The following FAP variants were observed in gnomAD, a reference collection of about 807,000 sequenced individuals.
The protein encoded by FAP is fibroblast activation protein alpha.
Under a neutral mutation model 126.5 loss-of-function variants are expected in FAP, and 110 were observed. That is an observed-to-expected ratio of 0.87 (90% CI 0.74 to 1.02). FAP has a LOEUF of 1.02. Ranked by LOEUF, FAP falls within the 50% of genes least tolerant of loss-of-function variation. The pLI is 0.00. For synonymous variants in FAP, 334 were observed against 297.3 expected (o/e 1.12, Z -1.27); for missense variants, 919 against 909.2 (o/e 1.01, Z -0.14).
chr2:162,186,033 A>ACGC (rs1236585605), intron 20 of FAP, among the ~76,000 whole-genome samples: 3 of 152,136 alleles, frequency 2.0e-5, no homozygotes, highest in African/African-American at 4.8e-5. Flanking sequence ...GCATGGGGCC[A>ACGC]CGCAGCTGCC....
Position 162,206,606 on chromosome 2 carries a change from C to A in FAP, c.1047+3346G>T, listed in dbSNP as rs879414496. Among the ~76,000 whole-genome samples, 191 of 152,242 alleles carry A rather than the reference C, an allele frequency of 1.3e-3. 5 individuals are homozygous for A. Among genetic ancestry groups the A allele is most frequent in the Admixed American group, 0.012 (190 of 15,290 alleles). On this transcript the variant is annotated intron_variant, in intron 12 of 25. Transcript: ENST00000188790. ...AATTATTTTAAAATAATTGATGTGA[C>A]TTTGCAGTCTAAGCATGATGCCTTC...
intron 21 of FAP, among the ~76,000 whole-genome samples, chr2:162,177,629 C>A (rs1429037619): frequency 6.6e-6 from 1 of 152,114 alleles, no homozygotes; most frequent in African/African-American, 2.4e-5. Flanking sequence ...AAAATTGTAC[C>A]AACTTGCACC....
Position 162,229,077 on chromosome 2 carries a change from A to T in FAP, c.92-2456T>A, listed in dbSNP as rs113380179. 5.9e-5 allele frequency among the ~76,000 whole-genome samples: 9 copies of T among 152,250 alleles called. 1 individual carries two copies. The South Asian group carries it at 8.3e-4, about 14-fold the overall frequency. ...ATGAATATAACCTTAGTTATTTTTT[A>T]AAAAGTATAAATAATGCTTCAGTTA... On this transcript the variant is annotated intron_variant, in intron 2 of 25. Coordinates refer to ENST00000188790, the MANE Select transcript of FAP (RefSeq NM_004460.5).
At chr2:162,233,115 G>A (rs761615914) in intron 2 of FAP, among the ~76,000 whole-genome samples, 4 of 151,238 alleles carry the variant, frequency 2.6e-5, no homozygotes, top group Non-Finnish European at 4.4e-5. Context: ...CTCCAGACAC[G>A]TACATTAAAC....
intron 20 of FAP, among the ~76,000 whole-genome samples, chr2:162,187,137 G>T (rs555181384): frequency 6.6e-6 from 1 of 151,928 alleles, no homozygotes; most frequent in Non-Finnish European, 1.5e-5. Flanking sequence ...ATAATTACTT[G>T]TGAGTCTAAA....
chr2:162,175,074 A>G, intron 21 of FAP, 108 bp from the exon 22 acceptor site: 1 of 728,610 alleles, frequency 1.4e-6, no homozygotes, highest in South Asian at 1.7e-5. Flanking sequence ...GCTGGAGAAT[A>G]TGGCTAAGGG....
chr2:162,178,549 A>G (rs913149171), intron 21 of FAP, among the ~76,000 whole-genome samples: 1 of 152,246 alleles, frequency 6.6e-6, no homozygotes, highest in African/African-American at 2.4e-5. Flanking sequence ...GTTAACAACC[A>G]CTGCCATAAA....
At chr2:162,201,235 G>A (rs1688486139) in intron 14 of FAP, among the ~76,000 whole-genome samples, 1 of 151,334 alleles carries the variant, frequency 6.6e-6, no homozygotes, top group Admixed American at 6.6e-5. Context: ...ATCAGAAACT[G>A]TCATTATTTT....
intron 11 of FAP, among the ~76,000 whole-genome samples, chr2:162,213,353 C>T (rs868094724): frequency 1.8e-4 from 26 of 146,070 alleles, no homozygotes; most frequent in African/African-American, 5.6e-4. Flanking sequence ...TCCAGCCTGG[C>T]GACAGAGCGA....
intron 2 of FAP, among the ~76,000 whole-genome samples, chr2:162,238,035 T>C (rs1690207873): frequency 6.6e-6 from 1 of 151,360 alleles, no homozygotes; most frequent in African/African-American, 2.4e-5. Context: ...GCCCACTTTT[T>C]GATGGGATTG....
intron 6 of FAP, among the ~76,000 whole-genome samples, chr2:162,222,047 G>A (rs957345707): frequency 6.6e-6 from 1 of 151,786 alleles, no homozygotes; most frequent in Non-Finnish European, 1.5e-5. Context: ...ATTCACTGCA[G>A]AGAATCTAAA....
chr2:162,190,353 GGTA>G (rs1687994280), intron 17 of FAP, among the ~76,000 whole-genome samples: 1 of 151,690 alleles, frequency 6.6e-6, no homozygotes, highest in Admixed American at 6.6e-5. Flanking sequence ...TTTCTCTCAA[GGTA>G]GTGATATATC....
At chr2:162,231,205 ATG>A (rs1285807835) in intron 2 of FAP, among the ~76,000 whole-genome samples, 1 of 152,170 alleles carries the variant, frequency 6.6e-6, no homozygotes, top group African/African-American at 2.4e-5. Flanking sequence ...AGTGTTTGGA[ATG>A]TGTGTATGTG....
At chr2:162,231,729 G>A (rs919742226) in intron 2 of FAP, among the ~76,000 whole-genome samples, 2 of 152,166 alleles carry the variant, frequency 1.3e-5, no homozygotes, top group African/African-American at 2.4e-5. Flanking sequence ...AAAACGTTGT[G>A]CTTCAATTAG....
rs932508852 is a variant in FAP at position 162,173,752 on chromosome 2, T to C, written c.2005A>G (p.Thr669Ala). ...TAGTGCTCAAGATTATCATCCTTTG[T>C]TGGGAGACCCATGAATCTCTCTGTG... ...VYTERFMGLPTKDDNLEHYKN... is the reference protein window; with the variant it reads ...VYTERFMGLPAKDDNLEHYKN... Residue 669 changes from threonine to alanine, a missense_variant, in exon 23 of 26, where the codon ACA becomes GCA. Transcript: ENST00000188790. 1.9e-6 allele frequency: 3 copies of C among 1,605,878 alleles called. No homozygotes were observed. The highest frequency in any genetic ancestry group is 2.6e-6 in the Non-Finnish European group (3 of 1,172,692).
intron 24 of FAP, 31 bp from the exon 25 acceptor site, chr2:162,172,915 T>C: frequency 6.5e-7 from 1 of 1,530,610 alleles, no homozygotes; most frequent in East Asian, 2.3e-5. Context: ...GTTAAAGTGC[T>C]GCTAAATACC....
intron 21 of FAP, among the ~76,000 whole-genome samples, chr2:162,179,161 A>G (rs991335843): frequency 2.0e-5 from 3 of 152,144 alleles, no homozygotes; most frequent in South Asian, 2.1e-4. Context: ...AACATTGTCA[A>G]TATGTGTTCT....
rs1232391973 is a variant in FAP at position 162,188,117 on chromosome 2, T to G, written c.1814+52A>C. ...GAAGAATGGAGAAACACAATAGTGATTGCATGACTTTTGTTGCATGTTGAC... is the reference window on the plus strand; with the variant it reads ...GAAGAATGGAGAAACACAATAGTGAGTGCATGACTTTTGTTGCATGTTGAC... On this transcript the variant is annotated intron_variant, in intron 20 of 25. Coordinates refer to ENST00000188790, the MANE Select transcript of FAP (RefSeq NM_004460.5). 5 of 1,403,424 alleles carry G rather than the reference T, an allele frequency of 3.6e-6. No individual in the cohort carries two copies. In the African/African-American group the frequency reaches 7.1e-5, roughly 20 times the overall value. The allele number at this position is 1,403,424 out of a possible 1,614,324, so 86.9% of individuals were successfully genotyped here. A position where few individuals can be genotyped will look rare whatever the true frequency, so the allele number is the denominator to read the frequency against.
In FAP at chr2:162,196,001, G is replaced by T. The variant is rs185951673; in HGVS notation, c.1403-1253C>A. ...GACTTGGGTATGAGTAGCTCCTTCT[G>T]TCTTTCTTCTGGCATCTTTCTGCCT... On this transcript the variant is annotated intron_variant, in intron 16 of 25. Coordinates refer to ENST00000188790, the MANE Select transcript of FAP (RefSeq NM_004460.5). Among the ~76,000 whole-genome samples, 12 of 152,254 alleles carry T rather than the reference G, an allele frequency of 7.9e-5. No individual in the cohort carries two copies. The East Asian group carries it at 2.1e-3, about 27-fold the overall frequency.
Sources: gnomAD v4.1 joint callset for allele counts (sites outside exome capture counted in the v4.1 genomes callset) on GRCh38, gnomAD v4.1.1 for gene constraint, MANE v1.5 for transcripts, NCBI Gene and HGNC (gene_info 2026-07-23, HGNC 2026-07-21) for gene names.